MTMR3: variants seen among roughly 807,000 people sequenced by gnomAD.
The protein encoded by MTMR3 is myotubularin related protein 3, also known as phosphatidylinositol-3,5-bisphosphate 3-phosphatase MTMR3.
A neutral mutation model predicts 132.4 loss-of-function variants in MTMR3; 32 were observed. The ratio of observed to expected loss-of-function variants is 0.24; its 90% CI spans 0.18 to 0.32. The LOEUF is 0.32. Ranked by LOEUF, MTMR3 falls within the 10% of genes least tolerant of loss-of-function variation. The pLI is 1.00. For missense variants in MTMR3, 1,216 were observed against 1,489.6 expected, an observed-to-expected ratio of 0.82 and a Z score of 3.02; for synonymous variants, 556 against 550.3, an observed-to-expected ratio of 1.01 and a Z score of -0.14.
At chr22:29,931,780 C>CT (rs34210747) in intron 1 of MTMR3, among the ~76,000 whole-genome samples, 28,357 of 140,856 alleles carry the variant, frequency 0.2, 3,079 homozygotes, top group South Asian at 0.47. Flanking sequence ...AGAGAGAATC[C>CT]TTTTTTTTTT....
At chr22:29,962,932 A>G (rs1307733909) in intron 2 of MTMR3, among the ~76,000 whole-genome samples, 2 of 139,276 alleles carry the variant, frequency 1.4e-5, no homozygotes, top group Admixed American at 1.5e-4. Flanking sequence ...TTTTTGAGAC[A>G]GGGTCTCACT....
At chr22:29,994,854 A>C (rs558837637) in intron 7 of MTMR3, 2 of 152,242 alleles carry the variant, frequency 1.3e-5, no homozygotes, top group Non-Finnish European at 2.9e-5. Flanking sequence ...AAGAAGTTTC[A>C]ACATTGCTGT....
At position 30,030,647 on chromosome 22, in the gene MTMR3, G is replaced by GGGGC. The variant is rs749927557; in HGVS notation, c.*4847_*4848insGGCG. 1 of 76,360 alleles carries GGGGC rather than the reference G, an allele frequency of 1.3e-5. No homozygotes were observed. Among genetic ancestry groups the GGGGC allele is most frequent in the Non-Finnish European group, 2.6e-5 (1 of 38,518 alleles). The allele number at this position is 76,360 out of a possible 1,614,324, so 4.7% of individuals were successfully genotyped here. ...CTCAGCGAGGAGGGGGCGGGGGGGG[G>GGGGC]GTCACTATTTATCTTCCAGAGGCAG... On this transcript the variant is annotated 3_prime_UTR_variant, in exon 20 of 20. Transcript: ENST00000401950.
At chr22:29,937,478 A>G (rs2065772857) in intron 1 of MTMR3, among the ~76,000 whole-genome samples, 1 of 151,014 alleles carries the variant, frequency 6.6e-6, no homozygotes. Flanking sequence ...TGCAAGCAGC[A>G]CAATCATAGC....
At chr22:30,022,786 C>T in intron 19 of MTMR3, 89 bp downstream of exon 19, 1 of 1,178,808 alleles carries the variant, frequency 8.5e-7, no homozygotes, top group South Asian at 1.3e-5. Context: ...TTGTGGGTAT[C>T]TCAGTGTTCT....
chr22:29,889,101 A>G (rs1232744111), intron 1 of MTMR3, among the ~76,000 whole-genome samples: 3 of 152,102 alleles, frequency 2.0e-5, no homozygotes, highest in Non-Finnish European at 4.4e-5. Context: ...TTCTATGCCT[A>G]TCATTTTTCC....
chr22:29,949,139 ACACACCCCCCCCCCCC>A (rs1442643823), intron 1 of MTMR3, among the ~76,000 whole-genome samples: 1 of 24,564 alleles, frequency 4.1e-5, no homozygotes, highest in African/African-American at 2.4e-4. Context: ...ACACACACAC[ACACACCCCCCCCCCCC>A]CCCCCGAGGC....
chr22:29,892,852 CAT>C (rs1568992495), intron 1 of MTMR3, among the ~76,000 whole-genome samples: 1 of 152,204 alleles, frequency 6.6e-6, no homozygotes, highest in Non-Finnish European at 1.5e-5. Context: ...CAAAAGGCCA[CAT>C]ATCTCTTTTT....
At chr22:29,938,821 A>C (rs1166035719) in intron 1 of MTMR3, among the ~76,000 whole-genome samples, 1 of 151,688 alleles carries the variant, frequency 6.6e-6, no homozygotes, top group Non-Finnish European at 1.5e-5. Context: ...CTTTACTTTT[A>C]TTTTATTATT....
In MTMR3 at chr22:30,020,394, G is replaced by A. The variant is rs74333991; in HGVS notation, c.2735G>A (p.Arg912His). ...CTTGGCAGCACTCTCAGCCTGACAC[G>A]TTCCCCTTGTGCCTTGCCTTTAGCC... ...TSLGSTLSLTRSPCALPLAEC... is the reference protein window; with the variant it reads ...TSLGSTLSLTHSPCALPLAEC... The change falls in exon 17 of 20, where the codon CGT becomes CAT. Residue 912 changes from arginine (R) to histidine (H), a missense_variant. This residue lies in a region of MTMR3 where 852 missense variants were observed against 852.0 expected (regional missense o/e 1.00). Transcript: ENST00000401950. The A allele has an allele frequency of 7.6e-4, 1,224 of 1,614,206 alleles. 10 individuals carry two copies. In the African/African-American group the frequency reaches 0.014, roughly 18 times the overall value.
At chr22:29,889,781 A>C (rs7292615) in intron 1 of MTMR3, among the ~76,000 whole-genome samples, 32,923 of 151,946 alleles carry the variant, frequency 0.22, 3,989 homozygotes, top group Middle Eastern at 0.38. Context: ...ATCATAGTTT[A>C]TAGCAGTTCT....
chr22:29,892,882 G>A (rs573655890), intron 1 of MTMR3, among the ~76,000 whole-genome samples: 1 of 152,328 alleles, frequency 6.6e-6, no homozygotes, highest in Non-Finnish European at 1.5e-5. Flanking sequence ...GTAACATGAT[G>A]TATAAGCTAC....
chr22:29,948,541 G>T (rs1159632794), intron 1 of MTMR3, among the ~76,000 whole-genome samples: 2 of 152,098 alleles, frequency 1.3e-5, no homozygotes, highest in Non-Finnish European at 2.9e-5. Context: ...AATAGGAATG[G>T]CATGCTTATT....
At chr22:29,899,722 C>G (rs1418106170) in intron 1 of MTMR3, 1 of 152,042 alleles carries the variant, frequency 6.6e-6, no homozygotes, top group Non-Finnish European at 1.5e-5. Flanking sequence ...AAAAAATGGA[C>G]AAAACTAACA....
intron 7 of MTMR3, chr22:29,998,009 T>C (rs551438174): frequency 1.3e-5 from 2 of 152,368 alleles, no homozygotes; most frequent in East Asian, 1.9e-4. Context: ...TGAGGAATTA[T>C]AGTTCTGTAT....
intron 1 of MTMR3, among the ~76,000 whole-genome samples, chr22:29,931,314 T>C (rs956300514): frequency 6.6e-6 from 1 of 152,236 alleles, no homozygotes; most frequent in Admixed American, 6.5e-5. Context: ...AATCATTATA[T>C]ACAATGACTT....
chr22:29,942,791 C>T (rs1451077794), intron 1 of MTMR3, among the ~76,000 whole-genome samples: 1 of 152,202 alleles, frequency 6.6e-6, no homozygotes, highest in African/African-American at 2.4e-5. Flanking sequence ...GTTCCCTGAA[C>T]ATTGCTGTTA....
At chr22:29,966,183 T>C (rs1414808774) in intron 2 of MTMR3, among the ~76,000 whole-genome samples, 1 of 152,176 alleles carries the variant, frequency 6.6e-6, no homozygotes, top group Non-Finnish European at 1.5e-5. Flanking sequence ...TTTATGTATT[T>C]TATAGTTAAA....
intron 1 of MTMR3, among the ~76,000 whole-genome samples, chr22:29,883,963 C>G (rs2145687607): frequency 6.6e-6 from 1 of 152,308 alleles, no homozygotes; most frequent in South Asian, 2.1e-4. Context: ...TCAGACTGCT[C>G]CGCAAATGAT....
Sources: gnomAD v4.1 joint callset for allele counts (sites outside exome capture counted in the v4.1 genomes callset) on GRCh38, gnomAD v4.1.1 for gene constraint, gnomAD v4.1.1 regional missense constraint, MANE v1.5 for transcripts, NCBI Gene and HGNC (gene_info 2026-07-23, HGNC 2026-07-21) for gene names.